Variants in DNTTIP2 observed in about 807,000 individuals in gnomAD.
The protein encoded by DNTTIP2 is deoxynucleotidyltransferase terminal interacting protein 2.
In DNTTIP2, 47 loss-of-function variants were observed where a neutral mutation model predicts 62.4. That is an observed-to-expected ratio of 0.75 (90% CI 0.60 to 0.96). DNTTIP2 has a LOEUF of 0.96. Ranked by LOEUF, DNTTIP2 falls within the 40% of genes least tolerant of loss-of-function variation. The pLI, the probability that DNTTIP2 is intolerant of heterozygous loss-of-function variation, is 0.00. For synonymous variants in DNTTIP2, 322 were observed against 300.9 expected (o/e 1.07, Z -0.73); for missense variants, 870 against 849.1 (o/e 1.02, Z -0.31).
intron 3 of DNTTIP2, among the ~76,000 whole-genome samples, chr1:93,874,320 C>T (rs893225604): frequency 6.6e-6 from 1 of 151,950 alleles, no homozygotes; most frequent in Non-Finnish European, 1.5e-5. Flanking sequence ...CATCTCACAA[C>T]AAAATTATGC....
chr1:93,871,447 T>C (rs1655860454), intron 5 of DNTTIP2, among the ~76,000 whole-genome samples: 1 of 152,106 alleles, frequency 6.6e-6, no homozygotes, highest in South Asian at 2.1e-4. Flanking sequence ...AATGACAATT[T>C]AGCTTGAATT....
In DNTTIP2 at chr1:93,878,029, G is replaced by A. The variant is rs191270611; in HGVS notation, c.73-167C>T. On this transcript the variant is annotated intron_variant, in intron 1 of 6. Coordinates refer to ENST00000436063, the MANE Select transcript of DNTTIP2 (RefSeq NM_014597.5). The stretch of plus-strand genomic sequence containing the variant: ...ATTTTTAAAAAATCAAAATTTGGCC[G>A]GGCGCGGTGGCTTACGGCTGTAATC... 308 of 1,074,920 alleles carry A rather than the reference G, an allele frequency of 2.9e-4. 3 individuals are homozygous for A. The African/African-American group carries it at 4.6e-3, about 16-fold the overall frequency. The allele number at this position is 1,074,920 out of a possible 1,614,324, so 66.6% of individuals were successfully genotyped here.
rs777410724 is a variant in DNTTIP2, at chr1:93,869,878, G to C, written c.2244C>G (p.Phe748Leu). The C allele has an allele frequency of 1.0e-5, 8 of 780,076 alleles. No homozygotes were observed. The highest frequency in any genetic ancestry group is 3.4e-5 in the African/African-American group (2 of 59,090). The allele number at this position is 780,076 out of a possible 1,614,324, so 48.3% of individuals were successfully genotyped here. Residue 748 changes from phenylalanine (F) to leucine (L), a missense_variant, in exon 7 of 7, where the codon TTC becomes TTG. Coordinates refer to ENST00000436063, the MANE Select transcript of DNTTIP2 (RefSeq NM_014597.5). ...AATTGCGAAATTTCTTCTTCTTTCGGAACTTTTTTCCTGCTGCATTTGCTG... is the reference window on the plus strand; with the variant it reads ...AATTGCGAAATTTCTTCTTCTTTCGCAACTTTTTTCCTGCTGCATTTGCTG... ...EKAANAAGKK[F>L]RKKKKFRN
chr1:93,874,577 T>C (rs560245617), intron 3 of DNTTIP2, among the ~76,000 whole-genome samples: 13 of 152,276 alleles, frequency 8.5e-5, no homozygotes, highest in East Asian at 3.9e-4. Context: ...GTGGCAAGAA[T>C]AGAGCAGATG....
At chr1:93,872,279 G>A (rs1218235158) in intron 4 of DNTTIP2, 43 bp from the exon 5 acceptor site, 24 of 1,582,250 alleles carry the variant, frequency 1.5e-5, no homozygotes, top group Non-Finnish European at 2.1e-5. Flanking sequence ...ACAGCTAAGA[G>A]TATACATTAT....
chr1:93,877,564 T>C lies in DNTTIP2; in HGVS notation c.371A>G (p.Lys124Arg), dbSNP rs766278984. The change falls in exon 2 of 7, where the codon AAA (lysine) becomes AGA (arginine). Residue 124 changes from lysine to arginine, a missense_variant. Lys to Arg is a conservative substitution (Grantham distance 26). Transcript: ENST00000436063. ...CTTTGTTGGAGTTACTTTCGGCTTT[T>C]TCCTAACACTGGACACTGGGGAGCA... ...IACSPVSSVR[K>R]KPKVTPTKES... The C allele has an allele frequency of 1.3e-5, 21 of 1,613,892 alleles. No homozygotes were observed. In the Admixed American group the frequency reaches 1.5e-4, roughly 12 times the overall value.
At chr1:93,875,830 G>A in intron 2 of DNTTIP2, 47 bp from the exon 3 acceptor site, 12 of 1,559,622 alleles carry the variant, frequency 7.7e-6, no homozygotes, top group South Asian at 1.2e-5. Flanking sequence ...AAATCAAAAT[G>A]GAAACATATA....
At chr1:93,874,741 G>C (rs150092146) in intron 3 of DNTTIP2, among the ~76,000 whole-genome samples, 2 of 152,178 alleles carry the variant, frequency 1.3e-5, no homozygotes, top group African/African-American at 4.8e-5. Context: ...CAATTCTCCT[G>C]CCTCAGCCTC....
In DNTTIP2 at chr1:93,876,986, T is replaced by C. The variant is rs763084679; in HGVS notation, c.949A>G (p.Ser317Gly). Reference sequence around the variant, plus strand: ...TCAGAAAGATTCTTCAGCTGAGAACTTTTCTCATTAATTTCTTTCCCCTCA... The same window carrying C: ...TCAGAAAGATTCTTCAGCTGAGAACCTTTCTCATTAATTTCTTTCCCCTCA... The part of the protein sequence containing the change: ...TDEGKEINEK[S>G]SQLKNLSELQ... The change falls in exon 2 of 7, where the codon AGT becomes GGT. Residue 317 changes from serine to glycine, a missense_variant. Ser to Gly is a moderately conservative substitution (Grantham distance 56, BLOSUM62 0). Coordinates refer to ENST00000436063, the MANE Select transcript of DNTTIP2 (RefSeq NM_014597.5). 2 of 1,612,932 alleles carry C rather than the reference T, an allele frequency of 1.2e-6. No homozygotes were observed. Among genetic ancestry groups the C allele is most frequent in the East Asian group, 4.5e-5 (2 of 44,870 alleles).
At position 93,876,352 on chromosome 1, in the gene DNTTIP2, CT is replaced by C. The variant is rs1656003744; in HGVS notation, c.1582del (p.Ser528ValfsTer22). On this transcript the variant is annotated frameshift_variant, in exon 2 of 7. Coordinates refer to ENST00000436063, the MANE Select transcript of DNTTIP2 (RefSeq NM_014597.5). LOFTEE classifies it high-confidence loss of function. ...GTCATGGTCTGATGAATCTTCTTCACTTTTTTCATCCTCTTCCTCTTCTTTT... is the reference window on the plus strand; with the variant it reads ...GTCATGGTCTGATGAATCTTCTTCACTTTTTCATCCTCTTCCTCTTCTTTT... ...EEKEEEEDEK[S>X]EEDSSDHDEN... The C allele has an allele frequency of 6.4e-7, 1 of 1,558,382 alleles. No individual in the cohort carries two copies.
At chr1:93,878,582 T>TGA (rs1334019995) in intron 1 of DNTTIP2, 1 of 154,784 alleles carries the variant, frequency 6.5e-6, no homozygotes, top group Non-Finnish European at 1.4e-5. Flanking sequence ...GCCGCTCCGT[T>TGA]CCCTGCATCG....
In DNTTIP2 at chr1:93,872,092, C is replaced by T; in HGVS notation, c.2047G>A (p.Gly683Ser). The T allele has an allele frequency of 2.5e-6, 4 of 1,613,720 alleles. No individual in the cohort carries two copies. The highest frequency in any genetic ancestry group is 3.3e-4 in the Middle Eastern group (2 of 6,060). Reference sequence around the variant, plus strand: ...CATACCTGGAAGTACTTGGGGAAGCCATCTCTATCATTTTTCTTGTAAAAT... The same window carrying T: ...CATACCTGGAAGTACTTGGGGAAGCTATCTCTATCATTTTTCTTGTAAAAT... ...KRFYKKNDRD[G>S]FPKYFQIGTI... The change falls in exon 5 of 7, where the codon GGC becomes AGC. Residue 683 changes from glycine (G) to serine (S), a missense_variant. By Grantham distance (56) the Gly-to-Ser change is moderately conservative. Transcript: ENST00000436063.
At position 93,877,318 on chromosome 1, in the gene DNTTIP2, A is replaced by G; in HGVS notation, c.617T>C (p.Met206Thr). The G allele has an allele frequency of 6.2e-7, 1 of 1,613,700 alleles. No homozygotes were observed. Among genetic ancestry groups the G allele is most frequent in the Non-Finnish European group, 8.5e-7 (1 of 1,179,844 alleles). ...SGIATRRTRSMQRKLKAQTEK... is the reference protein window; with the variant it reads ...SGIATRRTRSTQRKLKAQTEK... ...AGTTTGTGCCTTTAATTTCCTCTGC[A>G]TACTCCTGGTTCTTCTAGTTGCAAT... is the stretch of plus-strand genomic sequence containing the variant. Residue 206 changes from methionine (M) to threonine (T), a missense_variant, in exon 2 of 7, where the codon ATG becomes ACG. By Grantham distance (81) the Met-to-Thr change is moderately conservative. Coordinates refer to ENST00000436063, the MANE Select transcript of DNTTIP2 (RefSeq NM_014597.5).
chr1:93,870,321 A>G (rs1029434483), intron 6 of DNTTIP2, among the ~76,000 whole-genome samples: 21 of 152,252 alleles, frequency 1.4e-4, no homozygotes, highest in African/African-American at 3.1e-4. Context: ...GAAGCGACCA[A>G]TGGTTTTCAA....
Position 93,870,730 on chromosome 1 carries a change from C to A in DNTTIP2, c.2130G>T (p.Arg710Ser). ...GCAGTTCTTCCACAATAGTTCTTTTCCTTTGCTTCTTGGGAATTCGTGAAT... is the reference window on the plus strand; with the variant it reads ...GCAGTTCTTCCACAATAGTTCTTTTACTTTGCTTCTTGGGAATTCGTGAAT... ...FYHSRIPKKQ[R>S]KRTIVEELLA... is the part of the protein sequence containing the mutation. The change falls in exon 6 of 7, where the codon AGG becomes AGT. Residue 710 changes from arginine to serine, a missense_variant. Arg to Ser is a moderately radical substitution (Grantham distance 110). Transcript: ENST00000436063. 1 of 1,575,230 alleles carries A rather than the reference C, an allele frequency of 6.3e-7. No homozygotes were observed. Among genetic ancestry groups the A allele is most frequent in the South Asian group, 1.2e-5 (1 of 85,048 alleles).
intron 6 of DNTTIP2, 51 bp downstream of exon 6, chr1:93,870,632 C>G: frequency 9.8e-7 from 1 of 1,016,336 alleles, no homozygotes; most frequent in South Asian, 2.3e-5. Flanking sequence ...TAAGTTTATA[C>G]ATTTTTAAAG....
chr1:93,873,422 A>G, intron 3 of DNTTIP2: 2 of 321,544 alleles, frequency 6.2e-6, no homozygotes, highest in Non-Finnish European at 5.5e-6. Flanking sequence ...CAAGACCCTG[A>G]CTGTAAAAAA....
intron 2 of DNTTIP2, 83 bp downstream of exon 2, chr1:93,876,185 G>A: frequency 9.3e-7 from 1 of 1,071,436 alleles, no homozygotes; most frequent in Non-Finnish European, 1.2e-6. Flanking sequence ...TCATTCCCCA[G>A]GCTAACATTT....
At chr1:93,875,513 T>G (rs1308269362) in intron 3 of DNTTIP2, 132 bp downstream of exon 3, 2 of 835,926 alleles carry the variant, frequency 2.4e-6, no homozygotes, top group African/African-American at 3.5e-5. Flanking sequence ...ATGACTGTTT[T>G]AGAGAGAAGG....
Sources: allele counts gnomAD v4.1 joint callset (sites outside exome capture counted in the v4.1 genomes callset), GRCh38; gene constraint gnomAD v4.1.1; transcripts MANE v1.5; gene names NCBI Gene and HGNC (gene_info 2026-07-23, HGNC 2026-07-21).